Variants in GALNT17 observed in about 807,000 individuals in gnomAD.
The protein encoded by GALNT17 is polypeptide N-acetylgalactosaminyltransferase 17.
A neutral mutation model predicts 63.7 loss-of-function variants in GALNT17; 29 were observed. That is an observed-to-expected ratio of 0.46 (90% confidence interval 0.34 to 0.62). The LOEUF is 0.62. GALNT17 is among the 20% of genes least tolerant of loss of function. GALNT17 has a pLI of 0.01. For synonymous variants in GALNT17, 305 were observed against 318.3 expected (o/e 0.96, Z 0.45); for missense variants, 603 against 799.6 (o/e 0.75, Z 2.97).
At chr7:71,335,778 A>G in intron 2 of GALNT17, 45 bp downstream of exon 2, 1 of 1,527,306 alleles carries the variant, frequency 6.5e-7, no homozygotes, top group Non-Finnish European at 8.9e-7. Context: ...GGGTCGTCAG[A>G]GTGGGTGTAG....
chr7:71,648,433 G>A (rs1213454371), intron 6 of GALNT17, among the ~76,000 whole-genome samples: 2 of 151,964 alleles, frequency 1.3e-5, no homozygotes, highest in African/African-American at 4.8e-5. Flanking sequence ...ACCATGCCCA[G>A]ATAACGTTTT....
intron 6 of GALNT17, among the ~76,000 whole-genome samples, chr7:71,627,719 A>G (rs572290243): frequency 7.9e-5 from 12 of 152,338 alleles, no homozygotes; most frequent in Admixed American, 3.9e-4. Context: ...ACTCTAACGG[A>G]CAAGGGAAAT....
At chr7:71,701,851 A>G (rs1791647089) in intron 9 of GALNT17, among the ~76,000 whole-genome samples, 1 of 26,766 alleles carries the variant, frequency 3.7e-5, no homozygotes, top group African/African-American at 1.1e-4. Flanking sequence ...GTGTATATAT[A>G]TATACACATA....
At chr7:71,438,015 G>T (rs1234182021) in intron 5 of GALNT17, among the ~76,000 whole-genome samples, 1 of 152,144 alleles carries the variant, frequency 6.6e-6, no homozygotes. Context: ...ACTTGGCAAA[G>T]AGACCTGTTT....
At chr7:71,521,615 G>A (rs953941169) in intron 5 of GALNT17, among the ~76,000 whole-genome samples, 7 of 152,136 alleles carry the variant, frequency 4.6e-5, no homozygotes, top group Non-Finnish European at 8.8e-5. Context: ...GCCAGCTGTC[G>A]ACTTACACTG....
At position 71,713,041 on chromosome 7, in the gene GALNT17, C is replaced by T. The variant is rs1791818488; in HGVS notation, c.*895C>T. 1.3e-5 allele frequency: 2 copies of T among 152,686 alleles called. No homozygotes were observed. Among genetic ancestry groups the T allele is most frequent in the African/African-American group, 2.4e-5 (1 of 41,454 alleles). 9.5% of individuals were successfully genotyped at this position (152,686 alleles called of 1,614,324 possible). ...GACCCTTGAAGATGCTTTTGGCTCA[C>T]CTCATTTCACCCCACGCTCTGCTGG... On this transcript the variant is annotated 3_prime_UTR_variant, in exon 11 of 11. Coordinates refer to ENST00000333538, the MANE Select transcript of GALNT17 (RefSeq NM_022479.3).
chr7:71,142,124 C>T (rs1292187886), intron 1 of GALNT17, among the ~76,000 whole-genome samples: 1 of 151,620 alleles, frequency 6.6e-6, no homozygotes, highest in Non-Finnish European at 1.5e-5. Context: ...CTTGCCTCAG[C>T]CTCCCAGAGT....
chr7:71,611,816 G>GT (rs1790129797), intron 6 of GALNT17, among the ~76,000 whole-genome samples: 1 of 152,036 alleles, frequency 6.6e-6, no homozygotes, highest in African/African-American at 2.4e-5. Flanking sequence ...GGAAAGCATT[G>GT]TGTCAGTAAA....
chr7:71,647,344 G>A (rs1790694701), intron 6 of GALNT17, among the ~76,000 whole-genome samples: 1 of 151,816 alleles, frequency 6.6e-6, no homozygotes, highest in Non-Finnish European at 1.5e-5. Context: ...ACTGGGACCT[G>A]AGGCATAAGC....
intron 6 of GALNT17, among the ~76,000 whole-genome samples, chr7:71,584,657 G>A (rs1015368159): frequency 1.3e-5 from 2 of 152,154 alleles, no homozygotes; most frequent in Non-Finnish European, 2.9e-5. Context: ...TTGTTTGATA[G>A]TCAGCTTACT....
intron 1 of GALNT17, among the ~76,000 whole-genome samples, chr7:71,252,891 T>C (rs1436134022): frequency 2.0e-5 from 3 of 152,238 alleles, no homozygotes; most frequent in African/African-American, 7.2e-5. Flanking sequence ...AGCAGTTCTA[T>C]TGAGTTTCAC....
intron 5 of GALNT17, among the ~76,000 whole-genome samples, chr7:71,438,079 A>G (rs914010791): frequency 6.6e-6 from 1 of 152,204 alleles, no homozygotes; most frequent in African/African-American, 2.4e-5. Context: ...TCCCTGTAAA[A>G]TGGTGGATTT....
At chr7:71,156,536 A>T (rs540335825) in intron 1 of GALNT17, among the ~76,000 whole-genome samples, 2 of 151,104 alleles carry the variant, frequency 1.3e-5, no homozygotes, top group Admixed American at 6.6e-5. Flanking sequence ...TTGAGTTGTC[A>T]TAAGGCTGTT....
chr7:71,507,327 T>C (rs1788285247), intron 5 of GALNT17, among the ~76,000 whole-genome samples: 1 of 151,136 alleles, frequency 6.6e-6, no homozygotes, highest in African/African-American at 2.4e-5. Context: ...CCCTCCCTTG[T>C]CTTGACATAC....
At chr7:71,514,767 A>G (rs1039493394) in intron 5 of GALNT17, among the ~76,000 whole-genome samples, 17 of 152,082 alleles carry the variant, frequency 1.1e-4, no homozygotes, top group Admixed American at 1.1e-3. Flanking sequence ...TCTTGCTTTG[A>G]TCAGTTTCAG....
At chr7:71,210,644 C>T (rs1789358458) in intron 1 of GALNT17, among the ~76,000 whole-genome samples, 3 of 152,190 alleles carry the variant, frequency 2.0e-5, no homozygotes, top group Admixed American at 1.3e-4. Context: ...TTGGATTGTT[C>T]ATCACTTTTA....
At chr7:71,278,136 G>A (rs1243652619) in intron 1 of GALNT17, among the ~76,000 whole-genome samples, 4 of 152,200 alleles carry the variant, frequency 2.6e-5, no homozygotes, top group Non-Finnish European at 1.5e-5. Context: ...AGGTCACTGT[G>A]TGTCAGTTAC....
intron 1 of GALNT17, among the ~76,000 whole-genome samples, chr7:71,162,706 A>G (rs1373971387): frequency 6.6e-6 from 1 of 152,198 alleles, no homozygotes. Flanking sequence ...TTTGAGGGAA[A>G]GAAACCTCAG....
chr7:71,688,634 A>G (rs998076190), intron 9 of GALNT17, among the ~76,000 whole-genome samples: 1 of 152,196 alleles, frequency 6.6e-6, no homozygotes, highest in Non-Finnish European at 1.5e-5. Flanking sequence ...TAAGTTTATG[A>G]AATATTCCAA....
Sources: gnomAD v4.1 joint callset for allele counts (sites outside exome capture counted in the v4.1 genomes callset) on GRCh38, gnomAD v4.1.1 for gene constraint, MANE v1.5 for transcripts, NCBI Gene and HGNC (gene_info 2026-07-23, HGNC 2026-07-21) for gene names.